The following RIOK1 variants were observed in gnomAD, a reference collection of about 807,000 sequenced individuals.
RIOK1 encodes the protein RIO kinase 1.
RIOK1 carries 66 observed loss-of-function variants against 73.5 expected under a neutral mutation model. The ratio of observed to expected loss-of-function variants is 0.90; its 90% CI spans 0.74 to 1.10. The LOEUF is 1.10. RIOK1 is among the 50% of genes least tolerant of loss of function. The probability of loss-of-function intolerance (pLI) is 0.00; values close to 1 mark genes in which losing one functional copy is unlikely to be tolerated. For synonymous variants in RIOK1, 224 were observed against 226.8 expected (o/e 0.99, Z 0.11); for missense variants, 658 against 699.8 (o/e 0.94, Z 0.67).
chr6:7,409,195 A>G (rs1761824362), intron 12 of RIOK1, among the ~76,000 whole-genome samples: 1 of 141,970 alleles, frequency 7.0e-6, no homozygotes, highest in South Asian at 2.3e-4. Flanking sequence ...ACAGGAGCCC[A>G]CCACCACTCC....
chr6:7,398,647 C>T, intron 4 of RIOK1, 51 bp from the exon 5 acceptor site: 1 of 1,422,446 alleles, frequency 7.0e-7, no homozygotes, highest in African/African-American at 1.4e-5. Context: ...AAGATTTTGG[C>T]TTCTCACTGA....
Position 7,395,116 on chromosome 6 carries a change from CG to C in RIOK1, c.342del (p.Lys115AsnfsTer8). The C allele has an allele frequency of 6.2e-7, 1 of 1,613,360 alleles. No individual in the cohort carries two copies. The highest frequency in any genetic ancestry group is 8.5e-7 in the Non-Finnish European group (1 of 1,179,600). ...KMSTPADKVL[R>X]KFENKINLDK... ...GTCTACTCCAGCAGACAAGGTCTTA[CG>C]GAAATTTGAGAATAAAATTAATTTA... On this transcript the variant is annotated frameshift_variant, in exon 3 of 17. Transcript: ENST00000379834. LOFTEE classifies it high-confidence loss of function.
Position 7,395,069 on chromosome 6 carries a change from C to T in RIOK1, c.293C>T (p.Ser98Phe), listed in dbSNP as rs1761437368. The T allele has an allele frequency of 6.2e-7, 1 of 1,613,866 alleles. No homozygotes were observed. Among genetic ancestry groups the T allele is most frequent in the South Asian group, 1.1e-5 (1 of 91,080 alleles). ...GSNPQANRQT[S>F]DSSSAKMSTP... ...CCCTTCTAGGCAAATCGACAGACCTCCGACAGCAGTTCAGCCAAAATGTCT... is the reference window on the plus strand; with the variant it reads ...CCCTTCTAGGCAAATCGACAGACCTTCGACAGCAGTTCAGCCAAAATGTCT... Residue 98 changes from serine (S) to phenylalanine (F), a missense_variant, in exon 3 of 17, where the codon TCC (serine) becomes TTC (phenylalanine). Coordinates refer to ENST00000379834, the MANE Select transcript of RIOK1 (RefSeq NM_031480.3).
chr6:7,415,517 A>C (rs1054250581), intron 16 of RIOK1, among the ~76,000 whole-genome samples: 4 of 152,230 alleles, frequency 2.6e-5, no homozygotes, highest in African/African-American at 9.7e-5. Context: ...GTCTCACCCC[A>C]AACTGCAAAA....
In RIOK1 at chr6:7,396,786, T is replaced by C. The variant is rs1391480091; in HGVS notation, c.437+14T>C. ...GGAAGCAGATATGTAAGTAATATTT[T>C]AATAATATGCATGGGTGATAAGGAC... On this transcript the variant is annotated intron_variant, in intron 4 of 16. Transcript: ENST00000379834. The C allele has an allele frequency of 1.4e-6, 2 of 1,393,490 alleles. No homozygotes were observed. Among genetic ancestry groups the C allele is most frequent in the Non-Finnish European group, 2.0e-6 (2 of 982,254 alleles). The allele number at this position is 1,393,490 out of a possible 1,614,324, so 86.3% of individuals were successfully genotyped here. A position where few individuals can be genotyped will look rare whatever the true frequency, so the allele number is the denominator to read the frequency against.
chr6:7,416,489 A>C (rs1023660590), intron 16 of RIOK1, among the ~76,000 whole-genome samples: 3 of 152,132 alleles, frequency 2.0e-5, no homozygotes, highest in African/African-American at 4.8e-5. Flanking sequence ...TCTACTAAAA[A>C]TACAAAAAAT....
At chr6:7,409,923 G>A (rs1761847254) in intron 12 of RIOK1, among the ~76,000 whole-genome samples, 1 of 151,350 alleles carries the variant, frequency 6.6e-6, no homozygotes, top group African/African-American at 2.4e-5. Flanking sequence ...TTCAGTCATT[G>A]TTTGCTCAGA....
At chr6:7,404,802 A>G (rs1761704073) in intron 10 of RIOK1, 116 bp from the exon 11 acceptor site, 6 of 977,682 alleles carry the variant, frequency 6.1e-6, no homozygotes, top group Non-Finnish European at 9.2e-6. Flanking sequence ...GCCTCATCTT[A>G]TCTACCTTGG....
chr6:7,398,569 A>G (rs1197695756), intron 4 of RIOK1, 129 bp from the exon 5 acceptor site: 7 of 661,736 alleles, frequency 1.1e-5, no homozygotes, highest in Non-Finnish European at 1.9e-5. Flanking sequence ...ATCTACAATC[A>G]TATCATAAAA....
chr6:7,405,483 A>C, intron 12 of RIOK1, 128 bp downstream of exon 12: 2 of 588,018 alleles, frequency 3.4e-6, no homozygotes, highest in South Asian at 2.2e-5. Context: ...TCTGCCTTGT[A>C]CTTACCCTAG....
chr6:7,402,798 A>G lies in RIOK1; in HGVS notation c.687-19A>G. The G allele has an allele frequency of 6.2e-7, 1 of 1,606,596 alleles. No individual in the cohort carries two copies. The highest frequency in any genetic ancestry group is 8.5e-7 in the Non-Finnish European group (1 of 1,175,004). The stretch of plus-strand genomic sequence containing the variant: ...TAATAATGGAATGATTGAAATAATA[A>G]ACATTTTTCTTATTCAAGATTTCGT... On this transcript the variant is annotated intron_variant, in intron 7 of 16. Coordinates refer to ENST00000379834, the MANE Select transcript of RIOK1 (RefSeq NM_031480.3).
rs748344046 is a variant in RIOK1 at position 7,404,868 on chromosome 6, A to T, written c.993-50A>T. ...AGAGTAGAATTTATTTTAAACGAAAAACATAGTAAAGTAATACCATCCCAC... is the reference window on the plus strand; with the variant it reads ...AGAGTAGAATTTATTTTAAACGAAATACATAGTAAAGTAATACCATCCCAC... On this transcript the variant is annotated intron_variant, in intron 10 of 16. Coordinates refer to ENST00000379834, the MANE Select transcript of RIOK1 (RefSeq NM_031480.3). 1.4e-5 allele frequency: 21 copies of T among 1,465,486 alleles called. No individual in the cohort carries two copies. In the Admixed American group the frequency reaches 3.7e-4, roughly 26 times the overall value. The allele number at this position is 1,465,486 out of a possible 1,614,324, so 90.8% of individuals were successfully genotyped here. A position where few individuals can be genotyped will look rare whatever the true frequency, so the allele number is the denominator to read the frequency against.
chr6:7,408,038 CAGGTTTGTTTGTTTTTG>C (rs767990674), intron 12 of RIOK1, among the ~76,000 whole-genome samples: 21 of 152,074 alleles, frequency 1.4e-4, no homozygotes, highest in Non-Finnish European at 2.9e-4. Context: ...CACAGGTTTT[CAGGTTTGTTTGTTTTTG>C]AGATGGAGTC....
chr6:7,405,308 A>G lies in RIOK1; in HGVS notation c.1156A>G (p.Thr386Ala), dbSNP rs1761717961. The change falls in exon 12 of 17, where the codon ACA becomes GCA. Residue 386 changes from threonine (T) to alanine (A), a missense_variant. Thr to Ala is a moderately conservative substitution (Grantham distance 58, BLOSUM62 0). Transcript: ENST00000379834. ...TGTGCGGGAGCTCTTTGAATTTGTC[A>G]CAGATCCATCCATTACACATGAGAA... The part of the protein sequence containing the change: ...MTVRELFEFV[T>A]DPSITHENMD... 2.5e-6 allele frequency: 4 copies of G among 1,613,306 alleles called. No homozygotes were observed. Among genetic ancestry groups the G allele is most frequent in the East Asian group, 2.2e-5 (1 of 44,884 alleles).
In RIOK1 at chr6:7,411,470, A is replaced by AT; in HGVS notation, c.1389+20dup. On this transcript the variant is annotated intron_variant, in intron 14 of 16. Coordinates refer to ENST00000379834, the MANE Select transcript of RIOK1 (RefSeq NM_031480.3). ...AGATAATGTAAGTAGCTTGGTTTGT[A>AT]TATAGCAAGCAGCTCTTCAAAAGTA... 1 of 1,613,454 alleles carries AT rather than the reference A, an allele frequency of 6.2e-7. No homozygotes were observed. The highest frequency in any genetic ancestry group is 2.2e-5 in the East Asian group (1 of 44,834).
At chr6:7,410,010 C>T (rs1185173721) in intron 12 of RIOK1, among the ~76,000 whole-genome samples, 2 of 152,200 alleles carry the variant, frequency 1.3e-5, no homozygotes, top group East Asian at 3.9e-4. Context: ...CCTTCGCCGA[C>T]TGCTCAGGAT....
chr6:7,417,228 C>G, intron 16 of RIOK1, 103 bp from the exon 17 acceptor site: 1 of 642,142 alleles, frequency 1.6e-6, no homozygotes, highest in Non-Finnish European at 2.6e-6. Flanking sequence ...CCAGCCTGGG[C>G]GACAGAGCAA....
chr6:7,394,990 G>A, intron 2 of RIOK1, 63 bp from the exon 3 acceptor site: 9 of 1,595,550 alleles, frequency 5.6e-6, no homozygotes, highest in Non-Finnish European at 7.7e-6. Flanking sequence ...CTAAGGAAAT[G>A]TGATGATGAA....
intron 1 of RIOK1, among the ~76,000 whole-genome samples, chr6:7,390,586 C>T (rs1402722490): frequency 6.6e-6 from 1 of 151,810 alleles, no homozygotes; most frequent in East Asian, 1.9e-4. Flanking sequence ...AAGGTTAAGT[C>T]CAGATTTGAA....
Sources: allele counts gnomAD v4.1 joint callset (sites outside exome capture counted in the v4.1 genomes callset), GRCh38; gene constraint gnomAD v4.1.1; transcripts MANE v1.5; gene names NCBI Gene and HGNC (gene_info 2026-07-23, HGNC 2026-07-21).